DPP4: variants seen among roughly 807,000 people sequenced by gnomAD.
The protein encoded by DPP4 is dipeptidyl peptidase 4, also known as ADCP-2.
In DPP4, 93 loss-of-function variants were observed where a neutral mutation model predicts 122.4. The ratio of observed to expected loss-of-function variants is 0.76; its 90% CI spans 0.64 to 0.90. The LOEUF is 0.90. Among genes scored for constraint, DPP4 ranks in the 40% least tolerant of loss-of-function variants. The pLI, the probability that DPP4 is intolerant of heterozygous loss-of-function variation, is 0.00. For missense variants in DPP4, 914 were observed against 907.3 expected (o/e 1.01, Z -0.09); for synonymous variants, 321 against 302.9 (o/e 1.06, Z -0.62).
intron 2 of DPP4, among the ~76,000 whole-genome samples, chr2:162,068,395 T>C (rs893458662): frequency 1.3e-5 from 2 of 152,212 alleles, no homozygotes; most frequent in Admixed American, 1.3e-4. Flanking sequence ...ATTGCCTGAG[T>C]ATGAATCCCA....
chr2:162,000,732 A>G (rs901872528), intron 23 of DPP4, among the ~76,000 whole-genome samples: 2 of 152,202 alleles, frequency 1.3e-5, no homozygotes, highest in African/African-American at 2.4e-5. Flanking sequence ...TGCAAAATAA[A>G]TCTCCTCTAC....
chr2:162,059,193 G>A (rs577617490), intron 2 of DPP4, among the ~76,000 whole-genome samples: 1 of 152,150 alleles, frequency 6.6e-6, no homozygotes, highest in Non-Finnish European at 1.5e-5. Context: ...TACACACACA[G>A]GGAGCCAGCA....
intron 2 of DPP4, among the ~76,000 whole-genome samples, chr2:162,060,540 G>A (rs1684728159): frequency 6.6e-6 from 1 of 152,000 alleles, no homozygotes; most frequent in East Asian, 1.9e-4. Flanking sequence ...ATGTTCTCTA[G>A]ATTTTAAATA....
In DPP4 at chr2:162,016,834, C is replaced by T; in HGVS notation, c.1501G>A (p.Asp501Asn). The T allele has an allele frequency of 1.9e-6, 3 of 1,612,958 alleles. No homozygotes were observed. Among genetic ancestry groups the T allele is most frequent in the Non-Finnish European group, 2.5e-6 (3 of 1,179,720 alleles). ...ATCTGGACATTCTGCAGCATTTTAT[C>T]CAAAGCTGAATTGTCTTCCAGGACT... ...LRVLEDNSALDKMLQNVQMPS... is the reference protein window; with the variant it reads ...LRVLEDNSALNKMLQNVQMPS... Residue 501 changes from aspartate (D) to asparagine (N), a missense_variant, in exon 18 of 26, where the codon GAT becomes AAT. By Grantham distance (23) the Asp-to-Asn change is conservative (BLOSUM62 1). Transcript: ENST00000360534.
intron 19 of DPP4, among the ~76,000 whole-genome samples, chr2:162,013,130 AT>A (rs1682765458): frequency 9.4e-6 from 1 of 106,722 alleles, no homozygotes; most frequent in South Asian, 2.7e-4. Context: ...AAACAAGATT[AT>A]TTTTTAAAAT....
At chr2:162,001,956 C>G (rs1701160756) in intron 23 of DPP4, among the ~76,000 whole-genome samples, 1 of 152,128 alleles carries the variant, frequency 6.6e-6, no homozygotes, top group Admixed American at 6.6e-5. Context: ...GTCTGGATAT[C>G]CTTTAAAAGT....
In DPP4 at chr2:162,033,633, A is replaced by G. The variant is rs146584775; in HGVS notation, c.795T>C (p.Thr265=). The G allele has an allele frequency of 2.7e-5, 44 of 1,610,986 alleles. No homozygotes were observed. The highest frequency in any genetic ancestry group is 3.4e-5 in the Non-Finnish European group (40 of 1,178,772). ...PYPKAGAVNP[T]VKFFVVNTDS... ...CTGTATTTACAACAAAGAACTTTAC[A>G]GTTGGATTCACAGCTCCTGCCTAGG... Residue 265 remains threonine (T), a synonymous_variant, in exon 10 of 26, where the codon ACT becomes ACC. Transcript: ENST00000360534.
chr2:162,035,089 TAGCAAGA>T, intron 9 of DPP4, 68 bp downstream of exon 9: 1 of 1,415,214 alleles, frequency 7.1e-7, no homozygotes, highest in Non-Finnish European at 9.5e-7. Context: ...ATATTTTCAT[TAGCAAGA>T]AGGGATTAAA....
At chr2:162,036,219 C>G (rs1683763983) in intron 8 of DPP4, among the ~76,000 whole-genome samples, 1 of 152,132 alleles carries the variant, frequency 6.6e-6, no homozygotes, top group Admixed American at 6.5e-5. Flanking sequence ...AGCATAGAAA[C>G]TAGAATCTTA....
intron 10 of DPP4, among the ~76,000 whole-genome samples, chr2:162,029,373 G>A (rs1488661099): frequency 1.3e-5 from 2 of 152,216 alleles, no homozygotes; most frequent in Non-Finnish European, 1.5e-5. Flanking sequence ...ACCCGAGGAA[G>A]CGGGCATACT....
chr2:162,057,053 C>A (rs992836022), intron 2 of DPP4, among the ~76,000 whole-genome samples: 1 of 151,348 alleles, frequency 6.6e-6, no homozygotes, highest in African/African-American at 2.5e-5. Context: ...CATCCCCAAC[C>A]AATCAACAGC....
intron 10 of DPP4, among the ~76,000 whole-genome samples, chr2:162,032,696 A>G (rs1683594867): frequency 8.0e-6 from 1 of 125,376 alleles, no homozygotes; most frequent in Non-Finnish European, 1.7e-5. Flanking sequence ...CAAACAAACA[A>G]CAACAACAAC....
rs748555854 is a variant in DPP4 at position 162,035,236 on chromosome 2, T to C, written c.702A>G (p.Pro234=). 6.2e-7 allele frequency: 1 copy of C among 1,614,026 alleles called. No individual in the cohort carries two copies. The part of the protein sequence containing the change: ...AYAQFNDTEV[P]LIEYSFYSDE... The stretch of plus-strand genomic sequence containing the variant: ...CAGAGTAGAAGGAGTATTCAATAAG[T>C]GGGACTTCTGTGTCGTTAAATTGGG... Residue 234 remains proline (P), a synonymous_variant, in exon 9 of 26, where the codon CCA becomes CCG. Transcript: ENST00000360534.
chr2:162,008,157 C>T (rs182906065), intron 22 of DPP4, among the ~76,000 whole-genome samples: 1 of 152,138 alleles, frequency 6.6e-6, no homozygotes, highest in East Asian at 1.9e-4. Context: ...TTCCACTGTT[C>T]CTCCTCTCCT....
At chr2:162,056,044 G>A (rs1323035082) in intron 2 of DPP4, among the ~76,000 whole-genome samples, 2 of 152,108 alleles carry the variant, frequency 1.3e-5, no homozygotes, top group African/African-American at 4.8e-5. Flanking sequence ...GATATGGCCA[G>A]TGCTTCCTTC....
intron 22 of DPP4, 58 bp from the exon 23 acceptor site, chr2:162,005,867 C>A: frequency 7.1e-7 from 1 of 1,400,626 alleles, no homozygotes; most frequent in South Asian, 1.2e-5. Context: ...ACTTTTCTTG[C>A]TTTTAATGGG....
intron 2 of DPP4, among the ~76,000 whole-genome samples, chr2:162,069,405 A>C (rs960367167): frequency 6.6e-6 from 1 of 152,184 alleles, no homozygotes; most frequent in African/African-American, 2.4e-5. Flanking sequence ...GAAAGACACG[A>C]TCCAGCTCCA....
At chr2:161,996,360 G>A (rs962874610) in intron 23 of DPP4, among the ~76,000 whole-genome samples, 1 of 152,172 alleles carries the variant, frequency 6.6e-6, no homozygotes, top group South Asian at 2.1e-4. Flanking sequence ...TTTAAAAGCA[G>A]CCAGCTCGTC....
intron 20 of DPP4, 106 bp downstream of exon 20, chr2:162,011,687 T>A (rs1682711918): frequency 8.8e-7 from 1 of 1,141,766 alleles, no homozygotes; most frequent in Admixed American, 2.5e-5. Context: ...GATTACAAAT[T>A]CATCCCAGAA....
Sources: allele counts gnomAD v4.1 joint callset (sites outside exome capture counted in the v4.1 genomes callset), GRCh38; gene constraint gnomAD v4.1.1; transcripts MANE v1.5; gene names NCBI Gene and HGNC (gene_info 2026-07-23, HGNC 2026-07-21).